The following CELSR3 variants were observed in gnomAD, a reference collection of about 807,000 sequenced individuals.
CELSR3 encodes the protein cadherin EGF LAG seven-pass G-type receptor 3.
In CELSR3, 73 loss-of-function variants were observed where a neutral mutation model predicts 270.0. That is an observed-to-expected ratio of 0.27 (90% CI 0.22 to 0.33). CELSR3 has a LOEUF of 0.33. Among genes scored for constraint, CELSR3 ranks in the 10% least tolerant of loss-of-function variants. The pLI is 1.00. For missense variants in CELSR3, 3,614 were observed against 4,533.8 expected, an observed-to-expected ratio of 0.80 and a Z score of 5.83; for synonymous variants, 1,780 against 1,905.4, an observed-to-expected ratio of 0.93 and a Z score of 1.71.
At chr3:48,649,317 A>G (rs2047115965) in intron 16 of CELSR3, 102 bp from the exon 17 acceptor site, 4 of 978,324 alleles carry the variant, frequency 4.1e-6, no homozygotes, top group Non-Finnish European at 6.2e-6. Context: ...CTGAGGCAGA[A>G]GTCAGAGTCA....
rs2047158000 is a variant in CELSR3, at chr3:48,653,794, T to A, written c.5279-6A>T. The A allele has an allele frequency of 6.2e-7, 1 of 1,613,458 alleles. No homozygotes were observed. The highest frequency in any genetic ancestry group is 1.3e-5 in the African/African-American group (1 of 74,924). ...ATGGTGGGGATGGGCCATAGCTGAG[T>A]GGATAAGAGAAACAGGGTTACAGCC... is the stretch of plus-strand genomic sequence containing the variant. On this transcript the variant is annotated splice_region_variant and splice_polypyrimidine_tract_variant and intron_variant, in intron 8 of 34. Transcript: ENST00000164024. This position sits in a 1 kb window ranked among gnomAD's most constrained non-coding sequence, Gnocchi z 6.5.
rs2047159488 is a variant in CELSR3 at position 48,653,961 on chromosome 3, T to C, written c.5195A>G (p.Lys1732Arg). 6.2e-7 allele frequency: 1 copy of C among 1,613,436 alleles called. No individual in the cohort carries two copies. Among genetic ancestry groups the C allele is most frequent in the South Asian group, 1.1e-5 (1 of 91,092 alleles). The change falls in exon 8 of 35, where the codon AAG becomes AGG. Residue 1732 changes from lysine (K) to arginine (R), a missense_variant. Lys to Arg is a conservative substitution (Grantham distance 26). Transcript: ENST00000164024. This position sits in a 1 kb window ranked among gnomAD's most constrained non-coding sequence, Gnocchi z 6.5. ...KLHFCDSGPC[K>R]NSGFCSERWG... ...GCGCTCCGAGCAGAAGCCACTGTTC[T>C]TGCAGGGGCCTGAGTCACAAAAGTG... is the stretch of plus-strand genomic sequence containing the variant.
chr3:48,645,967 C>T lies in CELSR3; in HGVS notation c.7464-99G>A. 3 of 1,568,726 alleles carry T rather than the reference C, an allele frequency of 1.9e-6. No individual in the cohort carries two copies. The highest frequency in any genetic ancestry group is 2.6e-6 in the Non-Finnish European group (3 of 1,152,568). ...GCTGAGGGTGCCTGGAGTTGGGGTA[C>T]AGCATTCCTCATGGTCCGGGTTGCA... On this transcript the variant is annotated intron_variant, in intron 22 of 34. Coordinates refer to ENST00000164024, the MANE Select transcript of CELSR3 (RefSeq NM_001407.3). The surrounding 1 kb of genome is among the most constrained non-coding windows in gnomAD (Gnocchi z 5.4).
In CELSR3 at chr3:48,652,503, G is replaced by A. The variant is rs933115434; in HGVS notation, c.5685C>T (p.Leu1895=). 2 of 1,613,634 alleles carry A rather than the reference G, an allele frequency of 1.2e-6. No homozygotes were observed. Among genetic ancestry groups the A allele is most frequent in the Non-Finnish European group, 1.7e-6 (2 of 1,179,964 alleles). The change falls in exon 11 of 35, where the codon CTC becomes CTT. Residue 1895 remains leucine, a synonymous_variant. Coordinates refer to ENST00000164024, the MANE Select transcript of CELSR3 (RefSeq NM_001407.3). This position sits in a 1 kb window ranked among gnomAD's most constrained non-coding sequence, Gnocchi z 4.3. ...TGCCGGGGGGCAGGCCTCCCACGTG[G>A]AGCTGCTTTACCTTCAGGCCCTGCA... ...SELQGLKVKQ[L]HVGGLPPGSA...
In CELSR3 at chr3:48,641,403, T is replaced by C. The variant is rs1377841252; in HGVS notation, c.8946A>G (p.Ala2982=). ...RRLGLDTSKD[A]ANNNQPDPAL... ...CCGGGTCTGGCTGGTTGTTGTTAGC[T>C]GCATCCTTGCTGGTGTCCAGCCCCA... Residue 2982 remains alanine, a synonymous_variant, in exon 33 of 35, where the codon GCA becomes GCG. Transcript: ENST00000164024. The surrounding 1 kb of genome is among the most constrained non-coding windows in gnomAD (Gnocchi z 4.8). 6.2e-7 allele frequency: 1 copy of C among 1,612,510 alleles called. No individual in the cohort carries two copies. Among genetic ancestry groups the C allele is most frequent in the Non-Finnish European group, 8.5e-7 (1 of 1,179,798 alleles).
Position 48,662,770 on chromosome 3 carries a change from C to A in CELSR3, c.-136G>T, listed in dbSNP as rs1337685893. 9 of 323,204 alleles carry A rather than the reference C, an allele frequency of 2.8e-5. No individual in the cohort carries two copies. The highest frequency in any genetic ancestry group is 5.0e-5 in the Admixed American group (1 of 19,912). The allele number at this position is 323,204 out of a possible 1,614,324, so 20.0% of individuals were successfully genotyped here. On this transcript the variant is annotated 5_prime_UTR_variant, in exon 1 of 35. Transcript: ENST00000164024. The surrounding 1 kb of genome is among the most constrained non-coding windows in gnomAD (Gnocchi z 7.1). ...CCCTCCGCCTGTCTCTCCGCACCCCCGCCGCCCTCTGGGCACCATCTACTC... is the reference window on the plus strand; with the variant it reads ...CCCTCCGCCTGTCTCTCCGCACCCCAGCCGCCCTCTGGGCACCATCTACTC...
At position 48,644,765 on chromosome 3, in the gene CELSR3, T is replaced by C; in HGVS notation, c.8036A>G (p.His2679Arg). Residue 2679 changes from histidine to arginine, a missense_variant, in exon 26 of 35, where the codon CAC becomes CGC. His to Arg is a conservative substitution (Grantham distance 29, BLOSUM62 0). This residue lies in a region of CELSR3 where 1,240 missense variants were observed against 1,351.7 expected (regional missense o/e 0.92). Coordinates refer to ENST00000164024, the MANE Select transcript of CELSR3 (RefSeq NM_001407.3). This position sits in a 1 kb window ranked among gnomAD's most constrained non-coding sequence, Gnocchi z 4.8. ...AGCAAAGCTCCAGATGAGGGGCTCGTGGACTGAGATCCAGCAGAAGTCAGG... is the reference window on the plus strand; with the variant it reads ...AGCAAAGCTCCAGATGAGGGGCTCGCGGACTGAGATCCAGCAGAAGTCAGG... ...GNPDFCWISV[H>R]EPLIWSFAGP... 1 of 1,613,428 alleles carries C rather than the reference T, an allele frequency of 6.2e-7. No homozygotes were observed. Among genetic ancestry groups the C allele is most frequent in the Middle Eastern group, 1.7e-4 (1 of 6,058 alleles).
At position 48,643,094 on chromosome 3, in the gene CELSR3, G is replaced by C; in HGVS notation, c.8290-11C>G. The C allele has an allele frequency of 6.3e-7, 1 of 1,584,708 alleles. No homozygotes were observed. Among genetic ancestry groups the C allele is most frequent in the South Asian group, 1.1e-5 (1 of 90,436 alleles). On this transcript the variant is annotated splice_polypyrimidine_tract_variant and intron_variant, in intron 28 of 34. Coordinates refer to ENST00000164024, the MANE Select transcript of CELSR3 (RefSeq NM_001407.3). ...CAGCACCGCCAGGCCCTGTGGGTCA[G>C]CGAGGGTCAAAGCAGAGTCGGCAGG...
chr3:48,645,142 A>G lies in CELSR3; in HGVS notation c.7865T>C (p.Val2622Ala), dbSNP rs753299398. 13 of 1,600,540 alleles carry G rather than the reference A, an allele frequency of 8.1e-6. No homozygotes were observed. The East Asian group carries it at 2.9e-4, about 36-fold the overall frequency. Residue 2622 changes from valine (V) to alanine (A), a missense_variant, in exon 25 of 35, where the codon GTG becomes GCG. Val to Ala is a moderately conservative substitution (Grantham distance 64). Around this residue, in one of 7 missense-constraint regions of CELSR3, gnomAD observed 1,240 missense variants for 1,351.7 expected, o/e 0.92. Transcript: ENST00000164024. The surrounding 1 kb of genome is among the most constrained non-coding windows in gnomAD (Gnocchi z 5.4). ...CATGCGGTAGAGGTGCAGCCCCTGC[A>G]CGAAGAGCCACGCGAAGGTGCTGAG... is the stretch of plus-strand genomic sequence containing the variant. ...FFLSTFAWLF[V>A]QGLHLYRMQV... is the part of the protein sequence containing the mutation.
chr3:48,640,959 C>T lies in CELSR3; in HGVS notation c.9025+365G>A, dbSNP rs1023009509. On this transcript the variant is annotated intron_variant, in intron 33 of 34. Transcript: ENST00000164024. This position sits in a 1 kb window ranked among gnomAD's most constrained non-coding sequence, Gnocchi z 7.5. The stretch of plus-strand genomic sequence containing the variant: ...GCAAGGGTGAGGGCAGAAACCTCTT[C>T]TCCGGGTCCCCATAAAAGCAGAGTA... 2 of 362,980 alleles carry T rather than the reference C, an allele frequency of 5.5e-6. No homozygotes were observed. Among genetic ancestry groups the T allele is most frequent in the South Asian group, 5.0e-5 (1 of 20,176 alleles). 22.5% of individuals were successfully genotyped at this position (362,980 alleles called of 1,614,324 possible). A position where few individuals can be genotyped will look rare whatever the true frequency, so the allele number is the denominator to read the frequency against.
At position 48,642,271 on chromosome 3, in the gene CELSR3, G is replaced by T; in HGVS notation, c.8665+87C>A. On this transcript the variant is annotated intron_variant, in intron 31 of 34. Transcript: ENST00000164024. The surrounding 1 kb of genome is among the most constrained non-coding windows in gnomAD (Gnocchi z 6.1). ...GGGGGAGATCGTCCCACCCCAGTCA[G>T]CCACTGCTCCCAGTATGGGGTAGAA... 1 of 1,398,678 alleles carries T rather than the reference G, an allele frequency of 7.1e-7. No individual in the cohort carries two copies. Among genetic ancestry groups the T allele is most frequent in the Non-Finnish European group, 9.7e-7 (1 of 1,030,082 alleles). 86.6% of individuals were successfully genotyped at this position (1,398,678 alleles called of 1,614,324 possible). A position where few individuals can be genotyped will look rare whatever the true frequency, so the allele number is the denominator to read the frequency against.
rs899280970 is a variant in CELSR3, at chr3:48,647,859, G to A, written c.7111C>T (p.Arg2371Trp). ...CTCTCACCTTCAGATGGGGATGGCC[G>A]TGGGGACTGGGAAGGCAGCAGCACA... ...THVLLPSQSPRPSPSEVLPTS... is the reference protein window; with the variant it reads ...THVLLPSQSPWPSPSEVLPTS... The change falls in exon 20 of 35, where the codon CGG (arginine) becomes TGG (tryptophan). Residue 2371 changes from arginine to tryptophan, a missense_variant. This residue lies in a region of CELSR3 where 1,240 missense variants were observed against 1,351.7 expected (regional missense o/e 0.92). Transcript: ENST00000164024. The A allele has an allele frequency of 1.6e-5, 26 of 1,610,396 alleles. No individual in the cohort carries two copies. The highest frequency in any genetic ancestry group is 1.8e-5 in the Non-Finnish European group (21 of 1,179,510).
In CELSR3 at chr3:48,647,025, C is replaced by T. The variant is rs1463192986; in HGVS notation, c.7130-97G>A. 2.5e-6 allele frequency: 3 copies of T among 1,212,820 alleles called. No homozygotes were observed. In the East Asian group the frequency reaches 8.6e-5, roughly 35 times the overall value. 75.1% of individuals were successfully genotyped at this position (1,212,820 alleles called of 1,614,324 possible). A position where few individuals can be genotyped will look rare whatever the true frequency, so the allele number is the denominator to read the frequency against. On this transcript the variant is annotated intron_variant, in intron 20 of 34. Coordinates refer to ENST00000164024, the MANE Select transcript of CELSR3 (RefSeq NM_001407.3). The stretch of plus-strand genomic sequence containing the variant: ...CCGATCAAGCATGGGGGTCTCTTCC[C>T]TGCAGGAGCAGAATTGGGGAGTGCA...
rs772545534 is a variant in CELSR3, at chr3:48,648,743, G to A, written c.6753C>T (p.Ala2251=). Reference sequence around the variant, plus strand: ...CCTCATTGAAGTGGGCATCCTGTGTGGCTGTCAGCCCGAAGCCCTGCTGAT... The same window carrying A: ...CCTCATTGAAGTGGGCATCCTGTGTAGCTGTCAGCCCGAAGCCCTGCTGAT... ...ESHQQGFGLT[A]TQDAHFNENL... is the part of the protein sequence containing the mutation. Residue 2251 remains alanine (A), a synonymous_variant, in exon 18 of 35, where the codon GCC becomes GCT. Coordinates refer to ENST00000164024, the MANE Select transcript of CELSR3 (RefSeq NM_001407.3). The A allele has an allele frequency of 1.2e-6, 2 of 1,612,368 alleles. No homozygotes were observed. The highest frequency in any genetic ancestry group is 1.7e-4 in the Middle Eastern group (1 of 5,948).
chr3:48,661,069 G>T lies in CELSR3; in HGVS notation c.1566C>A (p.Pro522=). The T allele has an allele frequency of 6.2e-7, 1 of 1,613,698 alleles. No individual in the cohort carries two copies. The highest frequency in any genetic ancestry group is 8.5e-7 in the Non-Finnish European group (1 of 1,180,016). ...CGCGCACAGTGGCCGAGCGCGGCCCGGGTTCCTGGCCCTGGTCGCTGGCTT... is the reference window on the plus strand; with the variant it reads ...CGCGCACAGTGGCCGAGCGCGGCCCTGGTTCCTGGCCCTGGTCGCTGGCTT... The part of the protein sequence containing the change: ...VVEASDQGQE[P]GPRSATVRVH... The change falls in exon 1 of 35, where the codon CCC becomes CCA. Residue 522 remains proline (P), a synonymous_variant. Coordinates refer to ENST00000164024, the MANE Select transcript of CELSR3 (RefSeq NM_001407.3).
At position 48,645,817 on chromosome 3, in the gene CELSR3, C is replaced by T. The variant is rs1437976642; in HGVS notation, c.7515G>A (p.Arg2505=). Residue 2505 remains arginine, a synonymous_variant, in exon 23 of 35, where the codon AGG becomes AGA. Coordinates refer to ENST00000164024, the MANE Select transcript of CELSR3 (RefSeq NM_001407.3). The surrounding 1 kb of genome is among the most constrained non-coding windows in gnomAD (Gnocchi z 5.4). ...WTARDCELVH[R]NGSHARCRCS... ...AGCGACACCGTGCGTGGGACCCATT[C>T]CTGTGCACCAGCTCGCAGTCCCGTG... is the stretch of plus-strand genomic sequence containing the variant. The T allele has an allele frequency of 6.2e-7, 1 of 1,611,370 alleles. No homozygotes were observed. The highest frequency in any genetic ancestry group is 8.5e-7 in the Non-Finnish European group (1 of 1,179,418).
Position 48,655,523 on chromosome 3 carries a change from T to G in CELSR3, c.4742-129A>C, listed in dbSNP as rs2047173040. ...TCAGTCCCCCCACTGGTGACCACAA[T>G]GGCTGGCTCAGAGTGCCTTTGAACA... On this transcript the variant is annotated intron_variant, in intron 4 of 34. Coordinates refer to ENST00000164024, the MANE Select transcript of CELSR3 (RefSeq NM_001407.3). The surrounding 1 kb of genome is among the most constrained non-coding windows in gnomAD (Gnocchi z 5.8). The G allele has an allele frequency of 8.0e-6, 8 of 999,426 alleles. No individual in the cohort carries two copies. Among genetic ancestry groups the G allele is most frequent in the Middle Eastern group, 2.1e-4 (1 of 4,684 alleles). 61.9% of individuals were successfully genotyped at this position (999,426 alleles called of 1,614,324 possible).
chr3:48,656,593 C>T, intron 2 of CELSR3, 105 bp downstream of exon 2: 1 of 1,375,984 alleles, frequency 7.3e-7, no homozygotes, highest in Non-Finnish European at 9.5e-7. Flanking sequence ...CGCGTCCATA[C>T]CAGGCCGTGG....
Position 48,647,714 on chromosome 3 carries a change from G to A in CELSR3, c.7129+127C>T, listed in dbSNP as rs1216029590. The A allele has an allele frequency of 4.7e-6, 4 of 848,254 alleles. No individual in the cohort carries two copies. The African/African-American group carries it at 6.9e-5, about 15-fold the overall frequency. The allele number at this position is 848,254 out of a possible 1,614,324, so 52.5% of individuals were successfully genotyped here. A position where few individuals can be genotyped will look rare whatever the true frequency, so the allele number is the denominator to read the frequency against. The stretch of plus-strand genomic sequence containing the variant: ...GGAAATATGGGAGGGAGGGTGGAGG[G>A]GAGATGTGGGAGGGTCTGACACTGG... On this transcript the variant is annotated intron_variant, in intron 20 of 34. Transcript: ENST00000164024.
Sources: allele counts gnomAD v4.1 joint callset, GRCh38; gene constraint gnomAD v4.1.1; regional missense constraint gnomAD v4.1.1; non-coding constraint Gnocchi (gnomAD v3.1); transcripts MANE v1.5; gene names NCBI Gene and HGNC (gene_info 2026-07-23, HGNC 2026-07-21).